Variants in MGAT4C observed in about 807,000 individuals in gnomAD.
MGAT4C encodes the protein alpha-1,3-mannosyl-glycoprotein 4-beta-N-acetylglucosaminyltransferase C.
Under a neutral mutation model 40.1 loss-of-function variants are expected in MGAT4C, and 19 were observed. The observed-to-expected ratio is 0.47, with a 90% CI of 0.33 to 0.70. The LOEUF is 0.70. Among genes scored for constraint, MGAT4C ranks in the 30% least tolerant of loss-of-function variants. The pLI, the probability that MGAT4C is intolerant of heterozygous loss-of-function variation, is 0.02. For synonymous variants in MGAT4C, 181 were observed against 187.1 expected (o/e 0.97, Z 0.27); for missense variants, 491 against 563.2 (o/e 0.87, Z 1.30).
intron 1 of MGAT4C, among the ~76,000 whole-genome samples, chr12:86,812,064 CTATT>C (rs1471065447): frequency 2.6e-5 from 4 of 152,216 alleles, no homozygotes; most frequent in South Asian, 2.1e-4. Context: ...TTGACATAAA[CTATT>C]TAAGAGTGTG....
intron 1 of MGAT4C, among the ~76,000 whole-genome samples, chr12:86,826,240 C>T (rs890112950): frequency 1.8e-4 from 28 of 151,356 alleles, no homozygotes; most frequent in African/African-American, 6.3e-4. Flanking sequence ...TATGTGACTC[C>T]CCAGTATAGG....
At chr12:86,568,172 G>A (rs1221137409) in intron 2 of MGAT4C, among the ~76,000 whole-genome samples, 3 of 152,072 alleles carry the variant, frequency 2.0e-5, no homozygotes, top group African/African-American at 4.8e-5. Flanking sequence ...TAACATTTGA[G>A]TCAGTGGACT....
At position 86,769,161 on chromosome 12, in the gene MGAT4C, C is replaced by T. The variant is rs183575931; in HGVS notation, c.-261-41920G>A. ...ATCCAGAATCTACAAAGAACTCAAA[C>T]AAATTTACAAGAGAAAAACAAAAAA... On this transcript the variant is annotated intron_variant, in intron 1 of 7. Coordinates refer to the MGAT4C transcript ENST00000548651. Among the ~76,000 whole-genome samples the T allele has an allele frequency of 5.3e-5, 8 of 152,150 alleles. No homozygotes were observed. The East Asian group carries it at 1.4e-3, about 26-fold the overall frequency.
intron 2 of MGAT4C, among the ~76,000 whole-genome samples, chr12:86,630,086 A>T (rs1962978841): frequency 6.6e-6 from 1 of 152,220 alleles, no homozygotes; most frequent in Admixed American, 6.5e-5. Context: ...CACCAATCCC[A>T]CAGAAATACA....
chr12:86,829,594 A>G (rs1477795313), intron 1 of MGAT4C, among the ~76,000 whole-genome samples: 1 of 151,562 alleles, frequency 6.6e-6, no homozygotes, highest in African/African-American at 2.4e-5. Flanking sequence ...AAAAAAATCA[A>G]GTGTATTCAT....
intron 1 of MGAT4C, among the ~76,000 whole-genome samples, chr12:86,071,489 T>C (rs1868449594): frequency 1.3e-5 from 2 of 152,100 alleles, no homozygotes; most frequent in Non-Finnish European, 2.9e-5. Flanking sequence ...TATTAACAGG[T>C]AGCTATGTTG....
chr12:86,227,669 T>G (rs748449885), intron 1 of MGAT4C, among the ~76,000 whole-genome samples: 4 of 151,976 alleles, frequency 2.6e-5, no homozygotes, highest in Non-Finnish European at 5.9e-5. Flanking sequence ...CTGTCATGAG[T>G]CCACATTTGA....
At chr12:86,466,008 A>G (rs1957675838) in intron 2 of MGAT4C, among the ~76,000 whole-genome samples, 1 of 152,084 alleles carries the variant, frequency 6.6e-6, no homozygotes, top group African/African-American at 2.4e-5. Context: ...CAGAAGTTCG[A>G]GACCAGCCTG....
chr12:86,071,637 G>T (rs1357847845), intron 1 of MGAT4C, among the ~76,000 whole-genome samples: 3 of 151,896 alleles, frequency 2.0e-5, no homozygotes, highest in Admixed American at 6.6e-5. Flanking sequence ...CAGGTAATAT[G>T]GTAGCAATAC....
chr12:86,103,629 C>A (rs1875540053), intron 1 of MGAT4C, among the ~76,000 whole-genome samples: 1 of 152,046 alleles, frequency 6.6e-6, no homozygotes, highest in Admixed American at 6.6e-5. Flanking sequence ...GATACACATC[C>A]TTTTTGTTTT....
intron 2 of MGAT4C, among the ~76,000 whole-genome samples, chr12:86,659,042 T>C (rs1406788416): frequency 6.6e-6 from 1 of 152,122 alleles, no homozygotes; most frequent in African/African-American, 2.4e-5. Context: ...AATTAAATGT[T>C]TATTGTCTTA....
chr12:86,751,675 A>T (rs1301669652), intron 1 of MGAT4C, among the ~76,000 whole-genome samples: 3 of 152,044 alleles, frequency 2.0e-5, no homozygotes, highest in Non-Finnish European at 2.9e-5. Flanking sequence ...CAAATTACAG[A>T]TGGTGGTTTC....
intron 1 of MGAT4C, among the ~76,000 whole-genome samples, chr12:86,830,004 GGTTT>G (rs1339305345): frequency 6.6e-6 from 1 of 151,230 alleles, no homozygotes; most frequent in East Asian, 1.9e-4. Context: ...AAAAGAAAAT[GGTTT>G]GTTACTGAAT....
intron 2 of MGAT4C, among the ~76,000 whole-genome samples, chr12:86,041,616 T>C (rs1347062736): frequency 6.6e-6 from 1 of 152,228 alleles, no homozygotes; most frequent in Non-Finnish European, 1.5e-5. Flanking sequence ...AATTTCCATG[T>C]AATTACATGG....
intron 3 of MGAT4C, among the ~76,000 whole-genome samples, chr12:86,387,652 A>T (rs1956079224): frequency 6.6e-6 from 1 of 152,152 alleles, no homozygotes; most frequent in Non-Finnish European, 1.5e-5. Context: ...TAGAATGTGC[A>T]ATAAAATGGG....
In MGAT4C at chr12:85,975,489, A is replaced by G. The variant is rs1278586668; in HGVS notation, c.*3800T>C. Reference sequence around the variant, plus strand: ...TCACAGATGTAGAAACTGAGTTTCAAGAAGGTTAAGTAAATTTCCTCATAT... The same window carrying G: ...TCACAGATGTAGAAACTGAGTTTCAGGAAGGTTAAGTAAATTTCCTCATAT... On this transcript the variant is annotated 3_prime_UTR_variant, in exon 5 of 5. Transcript: ENST00000611864. 1 of 150,994 alleles carries G rather than the reference A, an allele frequency of 6.6e-6. No homozygotes were observed. Among genetic ancestry groups the G allele is most frequent in the African/African-American group, 2.4e-5 (1 of 41,360 alleles). The allele number at this position is 150,994 out of a possible 1,614,324, so 9.4% of individuals were successfully genotyped here.
intron 2 of MGAT4C, among the ~76,000 whole-genome samples, chr12:86,575,320 T>C (rs1960518002): frequency 6.6e-6 from 1 of 151,820 alleles, no homozygotes; most frequent in South Asian, 2.1e-4. Context: ...TTCTTTTTAA[T>C]TTTTGGCACC....
chr12:86,736,834 T>G (rs547523006), intron 1 of MGAT4C, among the ~76,000 whole-genome samples: 1 of 151,858 alleles, frequency 6.6e-6, no homozygotes, highest in African/African-American at 2.4e-5. Flanking sequence ...AATATTCTAA[T>G]TTATTTTATT....
rs373751381 is a variant in MGAT4C, at chr12:86,406,374, T to C, written c.-120+28783A>G. Among the ~76,000 whole-genome samples, 544 of 151,996 alleles carry C rather than the reference T, an allele frequency of 3.6e-3. 12 individuals carry two copies. The South Asian group carries it at 0.052, about 14-fold the overall frequency. On this transcript the variant is annotated intron_variant, in intron 3 of 7. Transcript: ENST00000548651. Reference sequence around the variant, plus strand: ...TAATAAAAAGCTAATATCTAAAATATATGAAGAATTCTCAAAACTCAACAA... The same window carrying C: ...TAATAAAAAGCTAATATCTAAAATACATGAAGAATTCTCAAAACTCAACAA...
Sources: allele counts gnomAD v4.1 joint callset (sites outside exome capture counted in the v4.1 genomes callset), GRCh38; gene constraint gnomAD v4.1.1; transcripts MANE v1.5; gene names NCBI Gene and HGNC (gene_info 2026-07-23, HGNC 2026-07-21).